GPX7: variants seen among roughly 807,000 people sequenced by gnomAD.
GPX7 encodes the protein protein peroxidase GPX7.
GPX7 carries 21 observed loss-of-function variants against 23.7 expected under a neutral mutation model. That is an observed-to-expected ratio of 0.89 (90% CI 0.63 to 1.28). The LOEUF is 1.28. Among genes scored for constraint, GPX7 ranks in the 50% most tolerant of loss-of-function variants. The pLI, the probability that GPX7 is intolerant of heterozygous loss-of-function variation, is 0.00. For missense variants in GPX7, 238 were observed against 237.3 expected (o/e 1.00, Z -0.02); for synonymous variants, 112 against 101.8 (o/e 1.10, Z -0.61).
intron 1 of GPX7, among the ~76,000 whole-genome samples, chr1:52,606,388 GT>G (rs1403886028): frequency 1.7e-4 from 26 of 152,290 alleles, no homozygotes; most frequent in African/African-American, 6.0e-4. Context: ...CGTGGTGCAT[GT>G]GCATACCTAT....
chr1:52,603,090 A>T (rs1266048707), intron 1 of GPX7, among the ~76,000 whole-genome samples: 1 of 152,136 alleles, frequency 6.6e-6, no homozygotes, highest in Non-Finnish European at 1.5e-5. Flanking sequence ...AGGCCCAGAG[A>T]GGGCAGGCAT....
At chr1:52,608,235 G>A (rs755963640) in intron 2 of GPX7, 27 bp from the exon 3 acceptor site, 23 of 1,593,420 alleles carry the variant, frequency 1.4e-5, no homozygotes, top group South Asian at 1.1e-4. Flanking sequence ...AGGGTAGCAC[G>A]CTTTGCTCTC....
chr1:52,604,205 A>G (rs1184954921), intron 1 of GPX7, among the ~76,000 whole-genome samples: 1 of 152,218 alleles, frequency 6.6e-6, no homozygotes, highest in Non-Finnish European at 1.5e-5. Context: ...GTAAGACAGT[A>G]AGAATTTGAA....
In GPX7 at chr1:52,608,558, A is replaced by G; in HGVS notation, c.*133A>G. 1.5e-6 allele frequency: 1 copy of G among 661,640 alleles called. No homozygotes were observed. Among genetic ancestry groups the G allele is most frequent in the Non-Finnish European group, 2.3e-6 (1 of 440,794 alleles). The allele number at this position is 661,640 out of a possible 1,614,324, so 41.0% of individuals were successfully genotyped here. A position where few individuals can be genotyped will look rare whatever the true frequency, so the allele number is the denominator to read the frequency against. On this transcript the variant is annotated 3_prime_UTR_variant, in exon 3 of 3. Coordinates refer to ENST00000361314, the MANE Select transcript of GPX7 (RefSeq NM_015696.5). ...TTACTCTTATGCCATTGGTCCCATC[A>G]TTCTTGTGGGGGAAAAATTCTAGTA...
chr1:52,607,554 C>T (rs1258660503), intron 2 of GPX7: 1 of 152,652 alleles, frequency 6.6e-6, no homozygotes, highest in Admixed American at 6.5e-5. Flanking sequence ...CTGGAGGCCC[C>T]ATTTTTGCCT....
chr1:52,605,370 A>T (rs1319171231), intron 1 of GPX7, among the ~76,000 whole-genome samples: 1 of 152,120 alleles, frequency 6.6e-6, no homozygotes, highest in East Asian at 1.9e-4. Flanking sequence ...GACATTGTTG[A>T]TTGTCAAGAC....
At position 52,606,857 on chromosome 1, in the gene GPX7, C is replaced by T; in HGVS notation, c.312C>T (p.Ala104=). The T allele has an allele frequency of 6.2e-7, 1 of 1,614,184 alleles. No individual in the cohort carries two copies. Among genetic ancestry groups the T allele is most frequent in the Non-Finnish European group, 8.5e-7 (1 of 1,180,030 alleles). The change falls in exon 2 of 3, where the codon GCC becomes GCT. Residue 104 remains alanine, a synonymous_variant. Coordinates refer to ENST00000361314, the MANE Select transcript of GPX7 (RefSeq NM_015696.5). ...GCAACAAGGAGATTGAGAGCTTTGC[C>T]CGCCGCACCTACAGTGTCTCATTCC... ...PDSNKEIESF[A]RRTYSVSFPM... is the part of the protein sequence containing the mutation.
intron 2 of GPX7, among the ~76,000 whole-genome samples, chr1:52,607,937 A>G (rs1043162889): frequency 2.6e-5 from 4 of 152,190 alleles, no homozygotes; most frequent in Non-Finnish European, 5.9e-5. Flanking sequence ...TTTGGAAACC[A>G]TTAAAACTGA....
chr1:52,606,376 A>G (rs35528996), intron 1 of GPX7, among the ~76,000 whole-genome samples: 4,502 of 152,158 alleles, frequency 0.03, 213 homozygotes, highest in African/African-American at 0.1. Flanking sequence ...ACATGTTTGT[A>G]TCGTGGTGCA....
chr1:52,602,490 C>A lies in GPX7; in HGVS notation c.81C>A (p.Asp27Glu). 6.4e-7 allele frequency: 1 copy of A among 1,561,178 alleles called. No homozygotes were observed. The highest frequency in any genetic ancestry group is 8.6e-7 in the Non-Finnish European group (1 of 1,158,086). The change falls in exon 1 of 3, where the codon GAC (aspartate) becomes GAA (glutamate). Residue 27 changes from aspartate (D) to glutamate (E), a missense_variant. Coordinates refer to ENST00000361314, the MANE Select transcript of GPX7 (RefSeq NM_015696.5). ...ACAQQEQDFY[D>E]FKAVNIRGKL... The stretch of plus-strand genomic sequence containing the variant: ...CGCAGCAGGAGCAGGACTTCTACGA[C>A]TTCAAGGCGGTCAACATCCGGGGCA...
rs1453704122 is a variant in GPX7 at position 52,608,313 on chromosome 1, C to T, written c.452C>T (p.Pro151Leu). The T allele has an allele frequency of 6.2e-7, 1 of 1,613,874 alleles. No homozygotes were observed. The highest frequency in any genetic ancestry group is 8.5e-7 in the Non-Finnish European group (1 of 1,179,976). Residue 151 changes from proline to leucine, a missense_variant, in exon 3 of 3, where the codon CCA (proline) becomes CTA (leucine). Transcript: ENST00000361314. ...TWNFWKYLVA[P>L]DGKVVGAWDP... is the part of the protein sequence containing the mutation. ...AACTTCTGGAAGTACCTAGTAGCCC[C>T]AGATGGAAAGGTGGTAGGGGCTTGG... is the stretch of plus-strand genomic sequence containing the variant.
Position 52,602,459 on chromosome 1 carries a change from C to T in GPX7, c.50C>T (p.Ala17Val). 1 of 1,539,470 alleles carries T rather than the reference C, an allele frequency of 6.5e-7. No individual in the cohort carries two copies. Among genetic ancestry groups the T allele is most frequent in the South Asian group, 1.2e-5 (1 of 82,618 alleles). Residue 17 changes from alanine to valine, a missense_variant, in exon 1 of 3, where the codon GCC (alanine) becomes GTC (valine). Coordinates refer to ENST00000361314, the MANE Select transcript of GPX7 (RefSeq NM_015696.5). The part of the protein sequence containing the change: ...AAAWLLLWAA[A>V]CAQQEQDFYD... Reference sequence around the variant, plus strand: ...GCGTGGCTGCTCCTGTGGGCTGCGGCCTGCGCGCAGCAGGAGCAGGACTTC... The same window carrying T: ...GCGTGGCTGCTCCTGTGGGCTGCGGTCTGCGCGCAGCAGGAGCAGGACTTC...
chr1:52,604,492 T>C lies in GPX7; in HGVS notation c.138+1945T>C, dbSNP rs1049543807. 2.0e-5 allele frequency among the ~76,000 whole-genome samples: 3 copies of C among 152,228 alleles called. No homozygotes were observed. In the East Asian group the frequency reaches 5.8e-4, roughly 29 times the overall value. Reference sequence around the variant, plus strand: ...CCATAGTCATTTAGACCAGTATGGATGAATGGGTGACCACTTGGGAATGTG... The same window carrying C: ...CCATAGTCATTTAGACCAGTATGGACGAATGGGTGACCACTTGGGAATGTG... On this transcript the variant is annotated intron_variant, in intron 1 of 2. Transcript: ENST00000361314.
At chr1:52,605,960 A>G (rs1178208259) in intron 1 of GPX7, among the ~76,000 whole-genome samples, 1 of 152,218 alleles carries the variant, frequency 6.6e-6, no homozygotes, top group East Asian at 1.9e-4. Flanking sequence ...CCATTGCTCC[A>G]GCAGCAACAA....
intron 1 of GPX7, among the ~76,000 whole-genome samples, chr1:52,605,796 A>C (rs1690847214): frequency 6.6e-6 from 1 of 152,172 alleles, no homozygotes; most frequent in African/African-American, 2.4e-5. Flanking sequence ...CATGGCGAGA[A>C]CTGTCTCTAC....
At chr1:52,604,274 G>C (rs1399745224) in intron 1 of GPX7, among the ~76,000 whole-genome samples, 2 of 152,220 alleles carry the variant, frequency 1.3e-5, no homozygotes, top group Non-Finnish European at 2.9e-5. Flanking sequence ...CAGTAAACCA[G>C]GGAACAGGGA....
intron 2 of GPX7, among the ~76,000 whole-genome samples, chr1:52,607,966 G>C (rs1001520140): frequency 2.0e-5 from 3 of 152,204 alleles, no homozygotes; most frequent in Admixed American, 6.5e-5. Context: ...ATAGGGTGTA[G>C]ACTATTCAGT....
Position 52,606,903 on chromosome 1 carries a change from G to A in GPX7, c.358G>A (p.Val120Ile). ...ATTCCCCATGTTTAGCAAGATTGCA[G>A]TCACCGGTACTGGTGCCCATCCTGC... ...VSFPMFSKIAVTGTGAHPAFK... is the reference protein window; with the variant it reads ...VSFPMFSKIAITGTGAHPAFK... The change falls in exon 2 of 3, where the codon GTC (valine) becomes ATC (isoleucine). Residue 120 changes from valine (V) to isoleucine (I), a missense_variant. Coordinates refer to ENST00000361314, the MANE Select transcript of GPX7 (RefSeq NM_015696.5). The A allele has an allele frequency of 6.2e-7, 1 of 1,614,226 alleles. No individual in the cohort carries two copies. Among genetic ancestry groups the A allele is most frequent in the South Asian group, 1.1e-5 (1 of 91,088 alleles).
Position 52,602,379 on chromosome 1 carries a change from C to A in GPX7, c.-31C>A. On this transcript the variant is annotated 5_prime_UTR_variant, in exon 1 of 3. Transcript: ENST00000361314. ...CTAGATCCCCCCGCCCCGTCTTTGC[C>A]CTCGCGACGCCGCCACCTCCGGAAC... is the stretch of plus-strand genomic sequence containing the variant. 1 of 1,440,526 alleles carries A rather than the reference C, an allele frequency of 6.9e-7. No homozygotes were observed. Among genetic ancestry groups the A allele is most frequent in the South Asian group, 1.4e-5 (1 of 73,078 alleles). 89.2% of individuals were successfully genotyped at this position (1,440,526 alleles called of 1,614,324 possible).
Sources: allele counts gnomAD v4.1 joint callset (sites outside exome capture counted in the v4.1 genomes callset), GRCh38; gene constraint gnomAD v4.1.1; transcripts MANE v1.5; gene names NCBI Gene and HGNC (gene_info 2026-07-23, HGNC 2026-07-21).